CLVS1: variants seen among roughly 807,000 people sequenced by gnomAD.
CLVS1 encodes the protein clavesin-1.
A neutral mutation model predicts 33.1 loss-of-function variants in CLVS1; 10 were observed. The ratio of observed to expected loss-of-function variants is 0.30; its 90% CI spans 0.19 to 0.51. The LOEUF (loss-of-function observed/expected upper bound fraction) is 0.51, where lower values mean the gene tolerates loss of function less well. Among genes scored for constraint, CLVS1 ranks in the 20% least tolerant of loss-of-function variants. The pLI is 0.97. For missense variants in CLVS1, 343 were observed against 433.4 expected (o/e 0.79, Z 1.85); for synonymous variants, 163 against 166.1 (o/e 0.98, Z 0.14).
chr8:61,246,690 A>G (rs548625835), intron 2 of CLVS1, among the ~76,000 whole-genome samples: 1 of 152,254 alleles, frequency 6.6e-6, no homozygotes. Context: ...CTTAATAAAA[A>G]TAATTTGGGT....
chr8:60,968,209 G>A, the CLVS1 span, among the ~76,000 whole-genome samples: 1 of 152,218 alleles, frequency 6.6e-6, no homozygotes, highest in Non-Finnish European at 1.5e-5. Context: ...GGGGCTGATA[G>A]GTGTGACCCA....
intron 2 of CLVS1, among the ~76,000 whole-genome samples, chr8:61,218,496 TG>T (rs1285352048): frequency 3.3e-5 from 5 of 151,694 alleles, no homozygotes; most frequent in African/African-American, 1.2e-4. Flanking sequence ...TACTAGAGGC[TG>T]GGAAGGATAG....
intron 2 of CLVS1, among the ~76,000 whole-genome samples, chr8:61,140,433 G>A (rs1806287005): frequency 6.6e-6 from 1 of 152,188 alleles, no homozygotes; most frequent in African/African-American, 2.4e-5. Context: ...TATTAGAAGT[G>A]ATACACTTGG....
At chr8:61,042,398 A>T in the CLVS1 span, among the ~76,000 whole-genome samples, 1 of 152,232 alleles carries the variant, frequency 6.6e-6, no homozygotes, top group Non-Finnish European at 1.5e-5. Context: ...AGACCTTCTT[A>T]GTCCATTCAG....
At chr8:61,434,912 G>T (rs928125442) in intron 3 of CLVS1, among the ~76,000 whole-genome samples, 1 of 152,206 alleles carries the variant, frequency 6.6e-6, no homozygotes, top group African/African-American at 2.4e-5. Context: ...TCCCACAAGA[G>T]ACTTTGCAGG....
At chr8:61,409,718 G>A (rs1411678212) in intron 3 of CLVS1, among the ~76,000 whole-genome samples, 3 of 152,136 alleles carry the variant, frequency 2.0e-5, no homozygotes, top group Admixed American at 6.6e-5. Flanking sequence ...GTAAGTCCAT[G>A]GTTGGGGGGA....
chr8:61,421,711 C>A (rs1815675568), intron 3 of CLVS1, among the ~76,000 whole-genome samples: 1 of 152,214 alleles, frequency 6.6e-6, no homozygotes. Flanking sequence ...AACTTCACAG[C>A]CCCTCAATCA....
At chr8:61,027,581 T>G in the CLVS1 span, among the ~76,000 whole-genome samples, 1 of 152,170 alleles carries the variant, frequency 6.6e-6, no homozygotes, top group African/African-American at 2.4e-5. Flanking sequence ...TCTCTTTTGC[T>G]CTTGAAGTCT....
intron 1 of CLVS1, among the ~76,000 whole-genome samples, chr8:61,069,227 C>A (rs1473662953): frequency 2.0e-5 from 3 of 152,196 alleles, no homozygotes; most frequent in Non-Finnish European, 4.4e-5. Context: ...CTCAGCCTCC[C>A]AAAGTGCTGG....
chr8:61,057,791 C>T (rs1804506185), intron 1 of CLVS1, among the ~76,000 whole-genome samples: 1 of 152,156 alleles, frequency 6.6e-6, no homozygotes, highest in African/African-American at 2.4e-5. Flanking sequence ...TTAGAATAAT[C>T]CTGCTCAAGC....
chr8:61,037,679 A>T, the CLVS1 span, among the ~76,000 whole-genome samples: 1 of 152,206 alleles, frequency 6.6e-6, no homozygotes, highest in African/African-American at 2.4e-5. Flanking sequence ...AGGTAACAAG[A>T]TTTCAATTTT....
At chr8:61,410,526 G>A (rs1417594431) in intron 3 of CLVS1, among the ~76,000 whole-genome samples, 1 of 152,126 alleles carries the variant, frequency 6.6e-6, no homozygotes. Context: ...AATTTCTTGG[G>A]TCAGAAGCCT....
chr8:61,109,161 G>T (rs901080950), intron 1 of CLVS1, among the ~76,000 whole-genome samples: 4 of 152,210 alleles, frequency 2.6e-5, no homozygotes, highest in Middle Eastern at 3.4e-3. Context: ...TGGGGTTGGG[G>T]TCATACTCGT....
intron 2 of CLVS1, among the ~76,000 whole-genome samples, chr8:61,171,676 A>G (rs1036887947): frequency 2.0e-5 from 3 of 152,320 alleles, no homozygotes; most frequent in East Asian, 1.9e-4. Flanking sequence ...AATGTATTAG[A>G]TGCTGAGTGC....
At chr8:61,392,732 C>T (rs191066209) in intron 3 of CLVS1, among the ~76,000 whole-genome samples, 194 of 151,148 alleles carry the variant, frequency 1.3e-3, no homozygotes, top group Admixed American at 9.0e-3. Context: ...TGGTGCCACA[C>T]GGCTGTAATC....
intron 2 of CLVS1, among the ~76,000 whole-genome samples, chr8:61,148,343 G>A (rs566255182): frequency 4.3e-4 from 65 of 152,304 alleles, no homozygotes; most frequent in African/African-American, 1.5e-3. Flanking sequence ...AATCTGTGGT[G>A]ACATATGGAA....
intron 2 of CLVS1, among the ~76,000 whole-genome samples, chr8:61,183,791 C>T (rs543005752): frequency 3.9e-5 from 6 of 152,202 alleles, no homozygotes; most frequent in African/African-American, 1.4e-4. Flanking sequence ...TCCCCCACCC[C>T]GAATGAGTAA....
At chr8:61,017,648 G>C in the CLVS1 span, among the ~76,000 whole-genome samples, 2 of 152,244 alleles carry the variant, frequency 1.3e-5, no homozygotes, top group African/African-American at 4.8e-5. Context: ...CTGGCCTCCA[G>C]GTCCAGGGAC....
At chr8:61,364,591 A>G (rs911273907) in intron 2 of CLVS1, among the ~76,000 whole-genome samples, 2 of 152,248 alleles carry the variant, frequency 1.3e-5, no homozygotes, top group African/African-American at 4.8e-5. Flanking sequence ...AGAAGGATAG[A>G]ATTTGTAAAA....
Sources: allele counts gnomAD v4.1 joint callset (sites outside exome capture counted in the v4.1 genomes callset), GRCh38; gene constraint gnomAD v4.1.1; transcripts MANE v1.5; gene names NCBI Gene and HGNC (gene_info 2026-07-23, HGNC 2026-07-21).